Variants in PAG1 observed in about 807,000 individuals in gnomAD.
The protein encoded by PAG1 is phosphoprotein associated with glycosphingolipid-enriched microdomains 1.
In PAG1, 23 loss-of-function variants were observed where a neutral mutation model predicts 31.7. The observed-to-expected ratio is 0.73, with a 90% CI of 0.52 to 1.03. The LOEUF is 1.03. PAG1 is among the 50% of genes least tolerant of loss of function. The pLI is 0.00. For missense variants in PAG1, 473 were observed against 540.7 expected, an observed-to-expected ratio of 0.87 and a Z score of 1.24; for synonymous variants, 214 against 210.3, an observed-to-expected ratio of 1.02 and a Z score of -0.15.
intron 1 of PAG1, among the ~76,000 whole-genome samples, chr8:81,097,896 G>T (rs4739785): frequency 0.42 from 63,658 of 151,916 alleles, 15,252 homozygotes; most frequent in East Asian, 0.74. Flanking sequence ...CAACATTCTT[G>T]AATGTTCCTA....
At chr8:81,006,783 G>T (rs1807884858) in intron 3 of PAG1, among the ~76,000 whole-genome samples, 1 of 152,154 alleles carries the variant, frequency 6.6e-6, no homozygotes. Context: ...TGTCACAGAG[G>T]TTTTCAAGTT....
chr8:81,089,376 G>A (rs1290262931), intron 1 of PAG1, among the ~76,000 whole-genome samples: 1 of 152,126 alleles, frequency 6.6e-6, no homozygotes, highest in Non-Finnish European at 1.5e-5. Context: ...AGGCCATCCT[G>A]GCTAACACAG....
intron 3 of PAG1, among the ~76,000 whole-genome samples, chr8:81,027,680 C>T (rs561895764): frequency 7.2e-5 from 11 of 152,060 alleles, no homozygotes; most frequent in Non-Finnish European, 1.0e-4. Context: ...CCGAGGCAGG[C>T]GGATCACGAA....
intron 1 of PAG1, among the ~76,000 whole-genome samples, chr8:81,096,881 G>T (rs1809536198): frequency 6.6e-6 from 1 of 152,222 alleles, no homozygotes; most frequent in African/African-American, 2.4e-5. Flanking sequence ...GAGAACACAG[G>T]CCTAAGGGGA....
chr8:81,015,937 C>G (rs935496592), intron 3 of PAG1, among the ~76,000 whole-genome samples: 1 of 152,170 alleles, frequency 6.6e-6, no homozygotes, highest in African/African-American at 2.4e-5. Flanking sequence ...AATGTTGAAC[C>G]CAGCCCACAT....
chr8:80,975,958 A>T lies in PAG1; in HGVS notation c.*586T>A, dbSNP rs1344429333. 4 of 152,376 alleles carry T rather than the reference A, an allele frequency of 2.6e-5. No homozygotes were observed. Among genetic ancestry groups the T allele is most frequent in the Non-Finnish European group, 4.4e-5 (3 of 68,322 alleles). The allele number at this position is 152,376 out of a possible 1,614,324, so 9.4% of individuals were successfully genotyped here. A position where few individuals can be genotyped will look rare whatever the true frequency, so the allele number is the denominator to read the frequency against. On this transcript the variant is annotated 3_prime_UTR_variant, in exon 9 of 9. Transcript: ENST00000220597. The stretch of plus-strand genomic sequence containing the variant: ...CCAGATCCCCAGGTGCTGATGCGCA[A>T]CTCTTTGGGGAGGACTGGCGAGCTG...
At chr8:81,021,259 G>T (rs900589896) in intron 3 of PAG1, among the ~76,000 whole-genome samples, 6 of 152,100 alleles carry the variant, frequency 3.9e-5, no homozygotes, top group Non-Finnish European at 8.8e-5. Context: ...CACAAAACAG[G>T]CTGAAGTCAA....
chr8:81,066,067 C>A (rs778165349), intron 2 of PAG1, among the ~76,000 whole-genome samples: 1 of 152,100 alleles, frequency 6.6e-6, no homozygotes, highest in African/African-American at 2.4e-5. Flanking sequence ...GGCCAGGGAG[C>A]AAAATTACAG....
chr8:81,012,949 G>A, intron 3 of PAG1, among the ~76,000 whole-genome samples: 1 of 152,130 alleles, frequency 6.6e-6, no homozygotes, highest in Admixed American at 6.5e-5. Context: ...TCATCAAATA[G>A]CAAGCAAGAA....
rs187366091 is a variant in PAG1, at chr8:81,094,126, T to C, written c.-234+17465A>G. Among the ~76,000 whole-genome samples the C allele has an allele frequency of 1.1e-4, 17 of 152,284 alleles. No homozygotes were observed. In the East Asian group the frequency reaches 3.1e-3, roughly 28 times the overall value. On this transcript the variant is annotated intron_variant, in intron 1 of 8. Coordinates refer to ENST00000220597, the MANE Select transcript of PAG1 (RefSeq NM_018440.4). ...GGGGCCACCATAGGAAAATGTTTTC[T>C]TGTCTTTTTTTGTTTTTCATCTTCT...
intron 1 of PAG1, among the ~76,000 whole-genome samples, chr8:81,103,430 C>G (rs1041479146): frequency 7.9e-5 from 12 of 152,194 alleles, no homozygotes; most frequent in African/African-American, 2.9e-4. Context: ...GCTGTGTTAT[C>G]TCCACCCACC....
intron 2 of PAG1, among the ~76,000 whole-genome samples, chr8:81,050,105 G>T (rs976880531): frequency 1.3e-5 from 2 of 152,074 alleles, no homozygotes; most frequent in Admixed American, 1.3e-4. Context: ...AACAAAACTA[G>T]GGAAAACTGC....
chr8:81,096,078 C>T (rs1809523939), intron 1 of PAG1, among the ~76,000 whole-genome samples: 2 of 152,206 alleles, frequency 1.3e-5, no homozygotes, highest in South Asian at 4.1e-4. Context: ...TAAAACAGCT[C>T]TGAATCCTTG....
At chr8:81,079,962 G>A (rs1809239294) in intron 1 of PAG1, among the ~76,000 whole-genome samples, 1 of 151,852 alleles carries the variant, frequency 6.6e-6, no homozygotes, top group Non-Finnish European at 1.5e-5. Flanking sequence ...TAGAGGTTGA[G>A]TTTTGCCATC....
chr8:81,046,812 T>C (rs914580435), intron 2 of PAG1, among the ~76,000 whole-genome samples: 4 of 152,100 alleles, frequency 2.6e-5, no homozygotes, highest in African/African-American at 9.7e-5. Context: ...CCAGCATCCA[T>C]TAGTTATTCT....
At chr8:80,982,057 G>A (rs1441139335) in intron 7 of PAG1, among the ~76,000 whole-genome samples, 1 of 151,650 alleles carries the variant, frequency 6.6e-6, no homozygotes, top group African/African-American at 2.4e-5. Context: ...GTAGAGACGG[G>A]GTGCTGCTAC....
intron 2 of PAG1, among the ~76,000 whole-genome samples, chr8:81,033,792 C>G (rs1383814284): frequency 6.6e-6 from 1 of 152,258 alleles, no homozygotes; most frequent in East Asian, 1.9e-4. Context: ...GAGCTCCATT[C>G]TGGGACACTG....
At chr8:80,978,129 A>G (rs568585926) in intron 8 of PAG1, among the ~76,000 whole-genome samples, 1 of 152,268 alleles carries the variant, frequency 6.6e-6, no homozygotes, top group East Asian at 1.9e-4. Context: ...GGTCATTTGC[A>G]TGAGAACTTT....
intron 3 of PAG1, among the ~76,000 whole-genome samples, chr8:81,025,637 G>A (rs1027114660): frequency 6.6e-6 from 1 of 152,146 alleles, no homozygotes; most frequent in African/African-American, 2.4e-5. Context: ...TGTAAAGGAG[G>A]GGCAGGGCAG....
Sources: allele counts gnomAD v4.1 joint callset (sites outside exome capture counted in the v4.1 genomes callset), GRCh38; gene constraint gnomAD v4.1.1; transcripts MANE v1.5; gene names NCBI Gene and HGNC (gene_info 2026-07-23, HGNC 2026-07-21).